The following CNDP2 variants were observed in gnomAD, a reference collection of about 807,000 sequenced individuals.
CNDP2 encodes carnosine dipeptidase 2.
CNDP2 carries 38 observed loss-of-function variants against 55.0 expected under a neutral mutation model. That is an observed-to-expected ratio of 0.69 (90% confidence interval 0.53 to 0.90). CNDP2 has a LOEUF of 0.90. Ranked by LOEUF, CNDP2 falls within the 40% of genes least tolerant of loss-of-function variation. The pLI, the probability that CNDP2 is intolerant of heterozygous loss-of-function variation, is 0.00. For missense variants in CNDP2, 607 were observed against 621.7 expected (o/e 0.98, Z 0.25); for synonymous variants, 241 against 260.2 (o/e 0.93, Z 0.71).
At chr18:74,513,754 G>A (rs1979491624) in intron 8 of CNDP2, 35 bp downstream of exon 8, 4 of 1,600,766 alleles carry the variant, frequency 2.5e-6, no homozygotes, top group Non-Finnish European at 2.6e-6. Flanking sequence ...CACCTGCCCA[G>A]GCCACGCTGT....
chr18:74,511,643 G>A (rs1370846558), intron 6 of CNDP2, among the ~76,000 whole-genome samples: 1 of 151,930 alleles, frequency 6.6e-6, no homozygotes, highest in Non-Finnish European at 1.5e-5. Flanking sequence ...GGGAGGTGGA[G>A]GTTGTAGTGA....
At chr18:74,515,395 C>T (rs549338647) in intron 8 of CNDP2, among the ~76,000 whole-genome samples, 12 of 152,238 alleles carry the variant, frequency 7.9e-5, no homozygotes, top group East Asian at 1.9e-4. Context: ...GGGTTGGGCA[C>T]GGGGAGGAGC....
At chr18:74,509,001 C>A in intron 5 of CNDP2, 73 bp downstream of exon 5, 2 of 1,217,188 alleles carry the variant, frequency 1.6e-6, no homozygotes, top group Non-Finnish European at 2.4e-6. Flanking sequence ...GCTCTCTGTT[C>A]ACACAACAGC....
At position 74,520,388 on chromosome 18, in the gene CNDP2, G is replaced by T. The variant is rs1979984525; in HGVS notation, c.*320G>T. ...TTCTGGTTGTCGGCCGGGCACCACGGCTCACACCTATAATCGAGCACTTTG... is the reference window on the plus strand; with the variant it reads ...TTCTGGTTGTCGGCCGGGCACCACGTCTCACACCTATAATCGAGCACTTTG... On this transcript the variant is annotated 3_prime_UTR_variant, in exon 12 of 12. Coordinates refer to ENST00000324262, the MANE Select transcript of CNDP2 (RefSeq NM_018235.3). 2 of 318,208 alleles carry T rather than the reference G, an allele frequency of 6.3e-6. No individual in the cohort carries two copies. Among genetic ancestry groups the T allele is most frequent in the Non-Finnish European group, 6.0e-6 (1 of 166,958 alleles). The allele number at this position is 318,208 out of a possible 1,614,324, so 19.7% of individuals were successfully genotyped here.
At chr18:74,503,963 C>T (rs1004770537) in intron 3 of CNDP2, among the ~76,000 whole-genome samples, 30 of 150,718 alleles carry the variant, frequency 2.0e-4, no homozygotes, top group African/African-American at 6.6e-4. Flanking sequence ...ACACTGCACA[C>T]GCAGCCACAC....
chr18:74,497,137 G>A (rs1193196491), intron 1 of CNDP2, among the ~76,000 whole-genome samples: 1 of 152,084 alleles, frequency 6.6e-6, no homozygotes, highest in African/African-American at 2.4e-5. Flanking sequence ...CCCACCGCCT[G>A]CCAAGGTCAG....
rs1187270085 is a variant in CNDP2, at chr18:74,522,845, T to C, written c.*2777T>C. 1 of 152,326 alleles carries C rather than the reference T, an allele frequency of 6.6e-6. No individual in the cohort carries two copies. Among genetic ancestry groups the C allele is most frequent in the Non-Finnish European group, 1.5e-5 (1 of 68,112 alleles). 9.4% of individuals were successfully genotyped at this position (152,326 alleles called of 1,614,324 possible). Reference sequence around the variant, plus strand: ...CAGCAGCCTGCGGCGGTCACCGTGCTAACACGTGCAGCAGCCTGTGTGGCT... The same window carrying C: ...CAGCAGCCTGCGGCGGTCACCGTGCCAACACGTGCAGCAGCCTGTGTGGCT... On this transcript the variant is annotated 3_prime_UTR_variant, in exon 12 of 12. Coordinates refer to ENST00000324262, the MANE Select transcript of CNDP2 (RefSeq NM_018235.3).
rs1490142052 is a variant in CNDP2, at chr18:74,519,106, C to G, written c.1358+10C>G. ...ATGAAAAGCTCAACAGGTGAGAGTCCAGGGTGCGGCCCAGGTTGGCGTCTC... is the reference window on the plus strand; with the variant it reads ...ATGAAAAGCTCAACAGGTGAGAGTCGAGGGTGCGGCCCAGGTTGGCGTCTC... On this transcript the variant is annotated intron_variant, in intron 11 of 11. Transcript: ENST00000324262. 6.2e-7 allele frequency: 1 copy of G among 1,600,346 alleles called. No homozygotes were observed. The highest frequency in any genetic ancestry group is 2.2e-5 in the East Asian group (1 of 44,552).
intron 3 of CNDP2, among the ~76,000 whole-genome samples, chr18:74,504,515 C>T (rs899073041): frequency 1.3e-5 from 2 of 152,234 alleles, no homozygotes; most frequent in Non-Finnish European, 2.9e-5. Context: ...AGCTGGAGGC[C>T]CTGCAGTTTG....
At chr18:74,508,050 G>A (rs933217796) in intron 4 of CNDP2, 2 of 152,298 alleles carry the variant, frequency 1.3e-5, no homozygotes, top group Non-Finnish European at 2.9e-5. Context: ...GGCCTGCTGA[G>A]GCTGCGGGAC....
At chr18:74,505,556 G>A (rs11151959) in intron 3 of CNDP2, among the ~76,000 whole-genome samples, 27,938 of 149,592 alleles carry the variant, frequency 0.19, 2,831 homozygotes, top group Admixed American at 0.29. Context: ...CTGGGATCAC[G>A]CCACTGCGCT....
At position 74,506,047 on chromosome 18, in the gene CNDP2, G is replaced by T. The variant is rs768841329; in HGVS notation, c.367+36G>T. The T allele has an allele frequency of 2.0e-6, 3 of 1,513,262 alleles. No individual in the cohort carries two copies. The Admixed American group carries it at 7.3e-5, about 37-fold the overall frequency. 93.7% of individuals were successfully genotyped at this position (1,513,262 alleles called of 1,614,324 possible). A position where few individuals can be genotyped will look rare whatever the true frequency, so the allele number is the denominator to read the frequency against. ...CGCGCCTATGCGTGCCCAGAGGAAA[G>T]GCACTGACTTTTGGAAAGTCATTGC... On this transcript the variant is annotated intron_variant, in intron 4 of 11. Coordinates refer to ENST00000324262, the MANE Select transcript of CNDP2 (RefSeq NM_018235.3).
In CNDP2 at chr18:74,516,313, C is replaced by T. The variant is rs1347822119; in HGVS notation, c.989C>T (p.Thr330Ile). ...EGAFSGSGAK[T>I]VIPRKVVGKF... ...GCCTTCTCTGGGTCTGGGGCCAAGA[C>T]CGTGATTCCCAGGAAGGTGGTTGGC... The change falls in exon 9 of 12, where the codon ACC becomes ATC. Residue 330 changes from threonine (T) to isoleucine (I), a missense_variant. Transcript: ENST00000324262. 3.1e-6 allele frequency: 5 copies of T among 1,614,122 alleles called. No homozygotes were observed. Among genetic ancestry groups the T allele is most frequent in the Non-Finnish European group, 4.2e-6 (5 of 1,180,010 alleles).
At chr18:74,505,369 T>G in intron 3 of CNDP2, 1 of 153,934 alleles carries the variant, frequency 6.5e-6, no homozygotes, top group Non-Finnish European at 1.4e-5. Flanking sequence ...AAAGCCGAGG[T>G]GGGTGGTTTG....
chr18:74,516,440 G>T (rs769278939), intron 9 of CNDP2, 48 bp downstream of exon 9: 7 of 1,536,292 alleles, frequency 4.6e-6, no homozygotes, highest in South Asian at 1.2e-5. Flanking sequence ...TACTGTGTCC[G>T]GGCAGAGACT....
intron 4 of CNDP2, chr18:74,507,531 C>T: frequency 6.5e-6 from 1 of 153,486 alleles, no homozygotes; most frequent in Non-Finnish European, 1.5e-5. Flanking sequence ...ACAGAGGGTC[C>T]CTCCCCTCAC....
At chr18:74,509,585 A>T (rs1001623399) in intron 5 of CNDP2, 1 of 151,282 alleles carries the variant, frequency 6.6e-6, no homozygotes, top group African/African-American at 2.4e-5. Context: ...GTGAGCCGAG[A>T]TCATGCCACT....
rs1013097203 is a variant in CNDP2, at chr18:74,505,878, T to G, written c.234T>G (p.Pro78=). ...KLPDGSEIPL[P]PILLGRLGSD... is the part of the protein sequence containing the mutation. Reference sequence around the variant, plus strand: ...CTGATGGCTCGGAGATCCCGCTCCCTCCTATTCTGCTCGGCAGGCTGGGCT... The same window carrying G: ...CTGATGGCTCGGAGATCCCGCTCCCGCCTATTCTGCTCGGCAGGCTGGGCT... The change falls in exon 4 of 12, where the codon CCT becomes CCG. Residue 78 remains proline, a synonymous_variant. Transcript: ENST00000324262. The G allele has an allele frequency of 2.5e-6, 4 of 1,612,008 alleles. No homozygotes were observed. In the East Asian group the frequency reaches 8.9e-5, roughly 36 times the overall value.
rs1979470755 is a variant in CNDP2, at chr18:74,513,494, G to A, written c.743-65G>A. The A allele has an allele frequency of 5.9e-6, 9 of 1,518,288 alleles. No homozygotes were observed. The Admixed American group carries it at 1.7e-4, about 30-fold the overall frequency. 94.1% of individuals were successfully genotyped at this position (1,518,288 alleles called of 1,614,324 possible). ...AGCCTGGCTTCCTGGGGTCGGTGCAGGAAAGAGCAGCTCGCCTTGGTGCGG... is the reference window on the plus strand; with the variant it reads ...AGCCTGGCTTCCTGGGGTCGGTGCAAGAAAGAGCAGCTCGCCTTGGTGCGG... On this transcript the variant is annotated intron_variant, in intron 7 of 11. Coordinates refer to ENST00000324262, the MANE Select transcript of CNDP2 (RefSeq NM_018235.3).
Sources: allele counts gnomAD v4.1 joint callset (sites outside exome capture counted in the v4.1 genomes callset), GRCh38; gene constraint gnomAD v4.1.1; transcripts MANE v1.5; gene names NCBI Gene and HGNC (gene_info 2026-07-23, HGNC 2026-07-21).